The following H2BC1 variants were observed in gnomAD, a reference collection of about 807,000 sequenced individuals.
The protein encoded by H2BC1 is H2B clustered histone 1, also known as histone H2B type 1-A.
A neutral mutation model predicts 5.4 loss-of-function variants in H2BC1; 5 were observed. That is an observed-to-expected ratio of 0.92 (90% CI 0.48 to 1.94). H2BC1 has a LOEUF of 1.94. H2BC1 is among the 30% of genes most tolerant of loss of function. The pLI is 0.01. For missense variants in H2BC1, 210 were observed against 159.1 expected, an observed-to-expected ratio of 1.32 and a Z score of -1.72; for synonymous variants, 131 against 58.2, an observed-to-expected ratio of 2.25 and a Z score of -5.69.
In H2BC1 at chr6:25,726,987, G is replaced by A. The variant is rs766065718; in HGVS notation, c.79G>A (p.Glu27Lys). ...AGCTGTCGTTAAGACCCAGAAAAAG[G>A]AAGGCAAAAAGCGCAAGAGGACCCG... ...KKAVVKTQKK[E>K]GKKRKRTRKE... Residue 27 changes from glutamate to lysine, a missense_variant, in exon 1 of 1, where the codon GAA (glutamate) becomes AAA (lysine). By Grantham distance (56) the Glu-to-Lys change is moderately conservative (BLOSUM62 1). Coordinates refer to ENST00000274764, the MANE Select transcript of H2BC1 (RefSeq NM_170610.3). 8 of 1,614,038 alleles carry A rather than the reference G, an allele frequency of 5.0e-6. No homozygotes were observed. The highest frequency in any genetic ancestry group is 2.2e-5 in the South Asian group (2 of 91,086).
Position 25,727,029 on chromosome 6 carries a change from A to G in H2BC1, c.121A>G (p.Ile41Val), listed in dbSNP as rs769668517. Residue 41 changes from isoleucine (I) to valine (V), a missense_variant, in exon 1 of 1, where the codon ATT becomes GTT. Ile to Val is a conservative substitution (Grantham distance 29). Transcript: ENST00000274764. Reference sequence around the variant, plus strand: ...GAGGACCCGTAAGGAGAGTTATTCTATTTACATCTACAAAGTGCTAAAGCA... The same window carrying G: ...GAGGACCCGTAAGGAGAGTTATTCTGTTTACATCTACAAAGTGCTAAAGCA... Reference protein sequence around the residue: ...RKRTRKESYSIYIYKVLKQVH... With the variant: ...RKRTRKESYSVYIYKVLKQVH... The G allele has an allele frequency of 1.1e-5, 17 of 1,614,096 alleles. No individual in the cohort carries two copies. Among genetic ancestry groups the G allele is most frequent in the Non-Finnish European group, 1.4e-5 (16 of 1,180,042 alleles).
Position 25,726,979 on chromosome 6 carries a change from A to C in H2BC1, c.71A>C (p.Gln24Pro). 6.2e-7 allele frequency: 1 copy of C among 1,614,232 alleles called. No individual in the cohort carries two copies. Among genetic ancestry groups the C allele is most frequent in the South Asian group, 1.1e-5 (1 of 91,082 alleles). Residue 24 changes from glutamine to proline, a missense_variant, in exon 1 of 1, where the codon CAG becomes CCG. Coordinates refer to ENST00000274764, the MANE Select transcript of H2BC1 (RefSeq NM_170610.3). Reference protein sequence around the residue: ...KGFKKAVVKTQKKEGKKRKRT... With the variant: ...KGFKKAVVKTPKKEGKKRKRT... Reference sequence around the variant, plus strand: ...TTTAAGAAAGCTGTCGTTAAGACCCAGAAAAAGGAAGGCAAAAAGCGCAAG... The same window carrying C: ...TTTAAGAAAGCTGTCGTTAAGACCCCGAAAAAGGAAGGCAAAAAGCGCAAG...
Position 25,727,256 on chromosome 6 carries a change from C to G in H2BC1, c.348C>G (p.Gly116=). Residue 116 remains glycine (G), a synonymous_variant, in exon 1 of 1, where the codon GGC becomes GGG. Coordinates refer to ENST00000274764, the MANE Select transcript of H2BC1 (RefSeq NM_170610.3). ...TGGCTAAACATGCTGTGTCTGAGGG[C>G]ACCAAGGCTGTCACTAAGTACACCA... ...GELAKHAVSE[G]TKAVTKYTSS... is the part of the protein sequence containing the mutation. 1 of 1,610,546 alleles carries G rather than the reference C, an allele frequency of 6.2e-7. No homozygotes were observed.
Position 25,726,941 on chromosome 6 carries a change from T to G in H2BC1, c.33T>G (p.Ile11Met). 6.2e-7 allele frequency: 1 copy of G among 1,613,912 alleles called. No homozygotes were observed. The highest frequency in any genetic ancestry group is 1.7e-5 in the Admixed American group (1 of 59,982). Residue 11 changes from isoleucine (I) to methionine (M), a missense_variant, in exon 1 of 1, where the codon ATT becomes ATG. Coordinates refer to ENST00000274764, the MANE Select transcript of H2BC1 (RefSeq NM_170610.3). ...AGGTGTCATCTAAAGGTGCTACCAT[T>G]TCCAAGAAGGGCTTTAAGAAAGCTG... The part of the protein sequence containing the change: MPEVSSKGAT[I>M]SKKGFKKAVV...
At position 25,727,112 on chromosome 6, in the gene H2BC1, C is replaced by G. The variant is rs749166886; in HGVS notation, c.204C>G (p.Val68=). The G allele has an allele frequency of 2.5e-6, 4 of 1,614,226 alleles. No homozygotes were observed. In the African/African-American group the frequency reaches 5.3e-5, roughly 22 times the overall value. ...SKAMSIMNSF[V]TDIFERIASE... ...CTATGAGCATTATGAATTCCTTCGT[C>G]ACTGATATCTTTGAGCGTATAGCGA... is the stretch of plus-strand genomic sequence containing the variant. The change falls in exon 1 of 1, where the codon GTC becomes GTG. Residue 68 remains valine, a synonymous_variant. Coordinates refer to ENST00000274764, the MANE Select transcript of H2BC1 (RefSeq NM_170610.3).
Position 25,727,087 on chromosome 6 carries a change from CTA to C in H2BC1, c.181_182del (p.Met61GlufsTer9). 1 of 1,614,238 alleles carries C rather than the reference CTA, an allele frequency of 6.2e-7. No homozygotes were observed. Among genetic ancestry groups the C allele is most frequent in the Non-Finnish European group, 8.5e-7 (1 of 1,180,022 alleles). ...CCGGACACTGGCATCTCTTCGAAAG[CTA>C]TGAGCATTATGAATTCCTTCGTCAC... On this transcript the variant is annotated frameshift_variant, in exon 1 of 1. Coordinates refer to ENST00000274764, the MANE Select transcript of H2BC1 (RefSeq NM_170610.3). LOFTEE classifies it high-confidence loss of function.
chr6:25,727,121 CTT>C lies in H2BC1; in HGVS notation c.215_216del (p.Phe72Ter). 6.2e-7 allele frequency: 1 copy of C among 1,614,228 alleles called. No individual in the cohort carries two copies. Among genetic ancestry groups the C allele is most frequent in the Non-Finnish European group, 8.5e-7 (1 of 1,180,042 alleles). On this transcript the variant is annotated frameshift_variant, in exon 1 of 1. Transcript: ENST00000274764. LOFTEE classifies it high-confidence loss of function. ...SIMNSFVTDI[F>X]ERIASEASRL... ...TTATGAATTCCTTCGTCACTGATAT[CTT>C]TGAGCGTATAGCGAGCGAGGCATCA...
rs764308317 is a variant in H2BC1 at position 25,727,184 on chromosome 6, T to C, written c.276T>C (p.Ser92=). Residue 92 remains serine, a synonymous_variant, in exon 1 of 1, where the codon TCT becomes TCC. Transcript: ENST00000274764. ...ACTACAGCAAGCGCTCCACCATTTC[T>C]TCCAGAGAGATTCAGACAGCAGTGC... ...LAHYSKRSTI[S]SREIQTAVRL... The C allele has an allele frequency of 1.9e-6, 3 of 1,614,164 alleles. No individual in the cohort carries two copies. Among genetic ancestry groups the C allele is most frequent in the Non-Finnish European group, 2.5e-6 (3 of 1,180,038 alleles).
At position 25,727,143 on chromosome 6, in the gene H2BC1, G is replaced by T. The variant is rs755777375; in HGVS notation, c.235G>T (p.Ala79Ser). 1.2e-6 allele frequency: 2 copies of T among 1,614,160 alleles called. No homozygotes were observed. Among genetic ancestry groups the T allele is most frequent in the Non-Finnish European group, 1.7e-6 (2 of 1,180,022 alleles). Residue 79 changes from alanine to serine, a missense_variant, in exon 1 of 1, where the codon GCA (alanine) becomes TCA (serine). Physicochemically the swap from Ala to Ser is moderately conservative, Grantham distance 99. Transcript: ENST00000274764. Reference sequence around the variant, plus strand: ...TATCTTTGAGCGTATAGCGAGCGAGGCATCACGTTTGGCTCACTACAGCAA... The same window carrying T: ...TATCTTTGAGCGTATAGCGAGCGAGTCATCACGTTTGGCTCACTACAGCAA... ...TDIFERIASE[A>S]SRLAHYSKRS...
In H2BC1 at chr6:25,727,295, C is replaced by CTT; in HGVS notation, c.*4_*5insTT. 6.3e-7 allele frequency: 1 copy of CTT among 1,584,600 alleles called. No homozygotes were observed. Among genetic ancestry groups the CTT allele is most frequent in the East Asian group, 2.2e-5 (1 of 44,460 alleles). On this transcript the variant is annotated 3_prime_UTR_variant, in exon 1 of 1. Transcript: ENST00000274764. ...CTAAGTACACCAGCTCCAAGTAAGC[C>CTT]TGCTAAGTAAACGTCATTTCTAACC...
Position 25,727,334 on chromosome 6 carries a change from C to A in H2BC1, c.*42C>A. On this transcript the variant is annotated 3_prime_UTR_variant, in exon 1 of 1. Coordinates refer to ENST00000274764, the MANE Select transcript of H2BC1 (RefSeq NM_170610.3). ...TCATTTCTAACCCAAAGGCTCTTTTCAGAGCCACTTAAACATACTGAAACA... is the reference window on the plus strand; with the variant it reads ...TCATTTCTAACCCAAAGGCTCTTTTAAGAGCCACTTAAACATACTGAAACA... 1 of 1,522,632 alleles carries A rather than the reference C, an allele frequency of 6.6e-7. No homozygotes were observed. The highest frequency in any genetic ancestry group is 1.3e-5 in the South Asian group (1 of 76,816). The allele number at this position is 1,522,632 out of a possible 1,614,324, so 94.3% of individuals were successfully genotyped here. A position where few individuals can be genotyped will look rare whatever the true frequency, so the allele number is the denominator to read the frequency against.
At position 25,726,856 on chromosome 6, in the gene H2BC1, G is replaced by C. The variant is rs1760268425; in HGVS notation, c.-53G>C. 1 of 1,557,296 alleles carries C rather than the reference G, an allele frequency of 6.4e-7. No homozygotes were observed. The highest frequency in any genetic ancestry group is 2.2e-5 in the East Asian group (1 of 44,522). On this transcript the variant is annotated 5_prime_UTR_variant, in exon 1 of 1. Coordinates refer to ENST00000274764, the MANE Select transcript of H2BC1 (RefSeq NM_170610.3). ...GAAGAGCTGTTGAGCACTGGAAAGT[G>C]CTGTGTAACCCTGGAAAAGAACCGT...
At position 25,726,783 on chromosome 6, in the gene H2BC1, T is replaced by A. The variant is rs565206509; in HGVS notation, c.-126T>A. 3.2e-6 allele frequency: 4 copies of A among 1,269,786 alleles called. No homozygotes were observed. The African/African-American group carries it at 6.0e-5, about 19-fold the overall frequency. 78.7% of individuals were successfully genotyped at this position (1,269,786 alleles called of 1,614,324 possible). A position where few individuals can be genotyped will look rare whatever the true frequency, so the allele number is the denominator to read the frequency against. On this transcript the variant is annotated 5_prime_UTR_variant, in exon 1 of 1. Coordinates refer to ENST00000274764, the MANE Select transcript of H2BC1 (RefSeq NM_170610.3). Reference sequence around the variant, plus strand: ...TCTTTCATCCTCCAGTTCTGTTTGTTTACTTGGCGAGACTTGGAGCTGAGG... The same window carrying A: ...TCTTTCATCCTCCAGTTCTGTTTGTATACTTGGCGAGACTTGGAGCTGAGG...
Position 25,726,937 on chromosome 6 carries a change from C to T in H2BC1, c.29C>T (p.Thr10Ile), listed in dbSNP as rs955297079. 7 of 1,613,586 alleles carry T rather than the reference C, an allele frequency of 4.3e-6. No individual in the cohort carries two copies. Among genetic ancestry groups the T allele is most frequent in the Admixed American group, 1.7e-5 (1 of 59,948 alleles). Residue 10 changes from threonine (T) to isoleucine (I), a missense_variant, in exon 1 of 1, where the codon ACC (threonine) becomes ATC (isoleucine). Coordinates refer to ENST00000274764, the MANE Select transcript of H2BC1 (RefSeq NM_170610.3). Reference sequence around the variant, plus strand: ...CCGGAGGTGTCATCTAAAGGTGCTACCATTTCCAAGAAGGGCTTTAAGAAA... The same window carrying T: ...CCGGAGGTGTCATCTAAAGGTGCTATCATTTCCAAGAAGGGCTTTAAGAAA... MPEVSSKGA[T>I]ISKKGFKKAV...
At position 25,727,028 on chromosome 6, in the gene H2BC1, T is replaced by C. The variant is rs139774494; in HGVS notation, c.120T>C (p.Ser40=). 10 of 1,614,254 alleles carry C rather than the reference T, an allele frequency of 6.2e-6. No homozygotes were observed. Among genetic ancestry groups the C allele is most frequent in the Non-Finnish European group, 8.5e-6 (10 of 1,180,040 alleles). ...AGAGGACCCGTAAGGAGAGTTATTC[T>C]ATTTACATCTACAAAGTGCTAAAGC... ...KRKRTRKESY[S]IYIYKVLKQV... Residue 40 remains serine, a synonymous_variant, in exon 1 of 1, where the codon TCT becomes TCC. Coordinates refer to ENST00000274764, the MANE Select transcript of H2BC1 (RefSeq NM_170610.3).
At position 25,727,334 on chromosome 6, in the gene H2BC1, C is replaced by CA; in HGVS notation, c.*43dup. ...TCATTTCTAACCCAAAGGCTCTTTTCAGAGCCACTTAAACATACTGAAACA... is the reference window on the plus strand; with the variant it reads ...TCATTTCTAACCCAAAGGCTCTTTTCAAGAGCCACTTAAACATACTGAAACA... On this transcript the variant is annotated 3_prime_UTR_variant, in exon 1 of 1. Coordinates refer to ENST00000274764, the MANE Select transcript of H2BC1 (RefSeq NM_170610.3). 2.0e-6 allele frequency: 3 copies of CA among 1,522,632 alleles called. No individual in the cohort carries two copies. Among genetic ancestry groups the CA allele is most frequent in the Non-Finnish European group, 2.7e-6 (3 of 1,130,958 alleles). 94.3% of individuals were successfully genotyped at this position (1,522,632 alleles called of 1,614,324 possible). A position where few individuals can be genotyped will look rare whatever the true frequency, so the allele number is the denominator to read the frequency against.
chr6:25,727,210 G>A lies in H2BC1; in HGVS notation c.302G>A (p.Arg101His). ...TCCAGAGAGATTCAGACAGCAGTGC[G>A]CTTGCTACTGCCGGGAGAGCTGGCT... Reference protein sequence around the residue: ...ISSREIQTAVRLLLPGELAKH... With the variant: ...ISSREIQTAVHLLLPGELAKH... Residue 101 changes from arginine (R) to histidine (H), a missense_variant, in exon 1 of 1, where the codon CGC becomes CAC. Transcript: ENST00000274764. 6.2e-7 allele frequency: 1 copy of A among 1,613,996 alleles called. No homozygotes were observed. Among genetic ancestry groups the A allele is most frequent in the Non-Finnish European group, 8.5e-7 (1 of 1,179,890 alleles).
rs760625951 is a variant in H2BC1 at position 25,726,926 on chromosome 6, T to C, written c.18T>C (p.Ser6=). The change falls in exon 1 of 1, where the codon TCT becomes TCC. Residue 6 remains serine (S), a synonymous_variant. Coordinates refer to ENST00000274764, the MANE Select transcript of H2BC1 (RefSeq NM_170610.3). The part of the protein sequence containing the change: MPEVS[S]KGATISKKGF... ...TGGTAGCTATGCCGGAGGTGTCATC[T>C]AAAGGTGCTACCATTTCCAAGAAGG... is the stretch of plus-strand genomic sequence containing the variant. The C allele has an allele frequency of 1.9e-6, 3 of 1,613,410 alleles. No homozygotes were observed. The highest frequency in any genetic ancestry group is 1.7e-4 in the Middle Eastern group (1 of 6,058).
At position 25,726,840 on chromosome 6, in the gene H2BC1, T is replaced by C. The variant is rs1582606465; in HGVS notation, c.-69T>C. 1 of 1,515,570 alleles carries C rather than the reference T, an allele frequency of 6.6e-7. No homozygotes were observed. The highest frequency in any genetic ancestry group is 8.9e-7 in the Non-Finnish European group (1 of 1,125,794). The allele number at this position is 1,515,570 out of a possible 1,614,324, so 93.9% of individuals were successfully genotyped here. On this transcript the variant is annotated 5_prime_UTR_variant, in exon 1 of 1. Coordinates refer to ENST00000274764, the MANE Select transcript of H2BC1 (RefSeq NM_170610.3). ...GGAGCTGTTTAATACTGAAGAGCTG[T>C]TGAGCACTGGAAAGTGCTGTGTAAC...
Sources: gnomAD v4.1 joint callset for allele counts on GRCh38, gnomAD v4.1.1 for gene constraint, MANE v1.5 for transcripts, NCBI Gene and HGNC (gene_info 2026-07-23, HGNC 2026-07-21) for gene names.